Variants in NUP188 observed in about 807,000 individuals in gnomAD.
The protein encoded by NUP188 is nucleoporin 188.
NUP188 carries 97 observed loss-of-function variants against 223.0 expected under a neutral mutation model. That is an observed-to-expected ratio of 0.43 (90% CI 0.37 to 0.51). The LOEUF (loss-of-function observed/expected upper bound fraction) is 0.51, where lower values mean the gene tolerates loss of function less well. Ranked by LOEUF, NUP188 falls within the 20% of genes least tolerant of loss-of-function variation. NUP188 has a pLI of 0.00. For missense variants in NUP188, 1,947 were observed against 2,175.6 expected, an observed-to-expected ratio of 0.89 and a Z score of 2.09; for synonymous variants, 869 against 828.0, an observed-to-expected ratio of 1.05 and a Z score of -0.85.
Position 128,968,615 on chromosome 9 carries a change from T to G in NUP188, c.695T>G (p.Leu232Ter). The G allele has an allele frequency of 6.2e-7, 1 of 1,614,096 alleles. No homozygotes were observed. Among genetic ancestry groups the G allele is most frequent in the Admixed American group, 1.7e-5 (1 of 60,012 alleles). Residue 232 changes from leucine to a stop codon, truncating the protein, a stop_gained, in exon 9 of 44, where the codon TTA becomes TGA. Transcript: ENST00000372577. LOFTEE classifies it high-confidence loss of function. ...YAYFEMAPSD[L>*]LVLTKMFKEQ... The stretch of plus-strand genomic sequence containing the variant: ...TACTTTGAGATGGCACCCAGTGACT[T>G]ACTTGTATTAACCAAGATGTTTAAA...
At position 128,960,059 on chromosome 9, in the gene NUP188, C is replaced by CTTT. The variant is rs956759518; in HGVS notation, c.585+945_585+947dup. Among the ~76,000 whole-genome samples the CTTT allele has an allele frequency of 3.0e-3, 309 of 103,774 alleles. 4 individuals are homozygous for CTTT. The highest frequency in any genetic ancestry group is 6.8e-3 in the Middle Eastern group (1 of 148). The allele number at this position is 103,774 out of a possible 152,430, so 68.1% of individuals were successfully genotyped here. Reference sequence around the variant, plus strand: ...GTAACACTAGTCTGATTATTTTATTCTTTTTTTTTTTTTTTTTTTTTTGAG... The same window carrying CTTT: ...GTAACACTAGTCTGATTATTTTATTCTTTTTTTTTTTTTTTTTTTTTTTTTGAG... On this transcript the variant is annotated intron_variant, in intron 8 of 43. Coordinates refer to ENST00000372577, the MANE Select transcript of NUP188 (RefSeq NM_015354.3).
intron 32 of NUP188, 43 bp from the exon 33 acceptor site, chr9:128,999,129 A>C: frequency 2.5e-6 from 4 of 1,583,640 alleles, no homozygotes; most frequent in Non-Finnish European, 3.5e-6. Context: ...CTAGGATTAC[A>C]GGCATGAGCC....
At chr9:128,965,168 AT>A (rs1174870402) in intron 8 of NUP188, among the ~76,000 whole-genome samples, 3 of 152,022 alleles carry the variant, frequency 2.0e-5, no homozygotes, top group Admixed American at 1.3e-4. Flanking sequence ...ATTGATTAAA[AT>A]TTTTTTATCT....
chr9:128,977,204 C>T (rs959849380), intron 12 of NUP188, among the ~76,000 whole-genome samples: 2 of 151,370 alleles, frequency 1.3e-5, no homozygotes, highest in South Asian at 2.1e-4. Context: ...ACTGCAAGCT[C>T]CGCCTCCCGT....
chr9:128,955,601 C>T (rs1007024425), intron 3 of NUP188, among the ~76,000 whole-genome samples: 2 of 152,160 alleles, frequency 1.3e-5, no homozygotes, highest in African/African-American at 2.4e-5. Flanking sequence ...AGGTTGGCCT[C>T]TGTCCTTTGG....
In NUP188 at chr9:128,999,522, C is replaced by A. The variant is rs555832699; in HGVS notation, c.3662-102C>A. On this transcript the variant is annotated intron_variant, in intron 33 of 43. Transcript: ENST00000372577. ...ACTGGACAGATGCTGTCCCTCCTAG[C>A]GCCCTAGTACATCTCCAGCCCCTTC... 9 of 1,275,682 alleles carry A rather than the reference C, an allele frequency of 7.1e-6. No individual in the cohort carries two copies. The African/African-American group carries it at 1.2e-4, about 17-fold the overall frequency. The allele number at this position is 1,275,682 out of a possible 1,614,324, so 79.0% of individuals were successfully genotyped here. A position where few individuals can be genotyped will look rare whatever the true frequency, so the allele number is the denominator to read the frequency against.
At chr9:128,956,134 T>C (rs1325467047) in intron 3 of NUP188, among the ~76,000 whole-genome samples, 1 of 151,894 alleles carries the variant, frequency 6.6e-6, no homozygotes, top group Non-Finnish European at 1.5e-5. Context: ...TTGTTTTGTT[T>C]TGTTAGGCAT....
In NUP188 at chr9:128,980,515, T is replaced by G. The variant is rs926639649; in HGVS notation, c.1270-91T>G. 6 of 1,343,634 alleles carry G rather than the reference T, an allele frequency of 4.5e-6. No homozygotes were observed. The African/African-American group carries it at 7.3e-5, about 16-fold the overall frequency. The allele number at this position is 1,343,634 out of a possible 1,614,324, so 83.2% of individuals were successfully genotyped here. A position where few individuals can be genotyped will look rare whatever the true frequency, so the allele number is the denominator to read the frequency against. On this transcript the variant is annotated intron_variant, in intron 13 of 43. Transcript: ENST00000372577. The stretch of plus-strand genomic sequence containing the variant: ...ATATCTGTCTAAAAGGAAGGATTAA[T>G]TCTAAATTTTCTCATGATTGCTGGG...
At chr9:129,003,731 C>T (rs374666117) in intron 38 of NUP188, 5 of 455,768 alleles carry the variant, frequency 1.1e-5, no homozygotes, top group South Asian at 7.6e-5. Context: ...TGGTGGCTCA[C>T]GCCTGTAATC....
chr9:128,955,560 T>C (rs1029149259), intron 3 of NUP188, among the ~76,000 whole-genome samples: 2 of 152,206 alleles, frequency 1.3e-5, no homozygotes, highest in African/African-American at 4.8e-5. Context: ...GTTTATACCT[T>C]GTTTCAGCTT....
At chr9:128,989,285 C>T (rs575751201) in intron 24 of NUP188, among the ~76,000 whole-genome samples, 2 of 152,104 alleles carry the variant, frequency 1.3e-5, no homozygotes, top group African/African-American at 4.8e-5. Flanking sequence ...CCTGTGGTCC[C>T]AGCTACTCAG....
intron 25 of NUP188, among the ~76,000 whole-genome samples, chr9:128,991,784 A>G (rs1475985747): frequency 6.7e-6 from 1 of 149,970 alleles, no homozygotes; most frequent in Non-Finnish European, 1.5e-5. Context: ...TGGAGGTTGC[A>G]GTGAGCCGAG....
chr9:129,003,709 TG>T (rs1442911861), intron 38 of NUP188: 1 of 526,174 alleles, frequency 1.9e-6, no homozygotes, highest in Non-Finnish European at 3.5e-6. Flanking sequence ...AGAATACACT[TG>T]GGGCCGGGCA....
At chr9:129,003,665 C>T in intron 38 of NUP188, 1 of 668,468 alleles carries the variant, frequency 1.5e-6, no homozygotes, top group Non-Finnish European at 2.7e-6. Flanking sequence ...AGAATTTGGA[C>T]TTTTATCAGT....
chr9:129,003,237 C>T, intron 37 of NUP188, 80 bp from the exon 38 acceptor site: 3 of 1,508,682 alleles, frequency 2.0e-6, no homozygotes, highest in Non-Finnish European at 1.8e-6. Context: ...GGGACGTTGC[C>T]TCTCCACAGG....
chr9:128,973,768 A>G (rs1197551673), intron 12 of NUP188, among the ~76,000 whole-genome samples: 1 of 152,230 alleles, frequency 6.6e-6, no homozygotes, highest in Non-Finnish European at 1.5e-5. Context: ...GTATAGTCCT[A>G]TCACATAGAT....
chr9:129,004,991 G>A (rs1842752209), intron 38 of NUP188, 156 bp from the exon 39 acceptor site: 1 of 662,770 alleles, frequency 1.5e-6, no homozygotes, highest in Admixed American at 2.4e-5. Context: ...CATGAGGGAA[G>A]GAGGGAGAGA....
chr9:128,966,260 CTGTGTGTGTG>C (rs10616823), intron 8 of NUP188, among the ~76,000 whole-genome samples: 1 of 139,652 alleles, frequency 7.2e-6, no homozygotes, highest in South Asian at 2.3e-4. Flanking sequence ...GTCTCTGTGT[CTGTGTGTGTG>C]TGTGTGTGTG....
Position 129,001,981 on chromosome 9 carries a change from G to C in NUP188, c.4137+5G>C. 1.2e-6 allele frequency: 2 copies of C among 1,613,274 alleles called. No individual in the cohort carries two copies. Among genetic ancestry groups the C allele is most frequent in the South Asian group, 1.1e-5 (1 of 91,078 alleles). Reference sequence around the variant, plus strand: ...AGCACCAACGGCACAGCACAGGTGAGTGTCAGGAGCTTGCCAGGAGGCCCA... The same window carrying C: ...AGCACCAACGGCACAGCACAGGTGACTGTCAGGAGCTTGCCAGGAGGCCCA... On this transcript the variant is annotated splice_donor_5th_base_variant and intron_variant, in intron 36 of 43. Transcript: ENST00000372577.
Sources: gnomAD v4.1 joint callset for allele counts (sites outside exome capture counted in the v4.1 genomes callset) on GRCh38, gnomAD v4.1.1 for gene constraint, MANE v1.5 for transcripts, NCBI Gene and HGNC (gene_info 2026-07-23, HGNC 2026-07-21) for gene names.